Variants in CASZ1 observed in about 807,000 individuals in gnomAD.
CASZ1 encodes zinc finger protein castor homolog 1.
CASZ1 carries 28 observed loss-of-function variants against 135.2 expected under a neutral mutation model. The observed-to-expected ratio is 0.21, with a 90% CI of 0.15 to 0.28. The LOEUF (loss-of-function observed/expected upper bound fraction) is 0.28, where lower values mean the gene tolerates loss of function less well. CASZ1 is among the 10% of genes least tolerant of loss of function. The pLI is 1.00. For missense variants in CASZ1, 2,161 were observed against 2,453.3 expected (o/e 0.88, Z 2.52); for synonymous variants, 1,068 against 1,073.4 (o/e 0.99, Z 0.10).
intron 1 of CASZ1, among the ~76,000 whole-genome samples, chr1:10,772,340 C>T (rs1296268509): frequency 6.6e-6 from 1 of 152,200 alleles, no homozygotes; most frequent in Non-Finnish European, 1.5e-5. Context: ...GGCCACATGC[C>T]CCCATTGGTC....
intron 13 of CASZ1, 76 bp from the exon 14 acceptor site, chr1:10,649,513 G>A (rs1052007340): frequency 5.4e-6 from 8 of 1,486,914 alleles, no homozygotes; most frequent in African/African-American, 2.8e-5. Flanking sequence ...AGCAACAGCC[G>A]AAGCTCTGGG....
rs1024461661 is a variant in CASZ1, at chr1:10,645,143, C to T, written c.3697-55G>A. ...GGCGGGTGACTTTCAAGAGCTCCTG[C>T]CTGCCCCGGGCCTGAGGCTGTGGTG... On this transcript the variant is annotated intron_variant, in intron 17 of 20. Coordinates refer to ENST00000377022, the MANE Select transcript of CASZ1 (RefSeq NM_001079843.3). 12 of 1,542,316 alleles carry T rather than the reference C, an allele frequency of 7.8e-6. No homozygotes were observed. The African/African-American group carries it at 1.1e-4, about 14-fold the overall frequency.
chr1:10,650,832 C>G, intron 12 of CASZ1, 77 bp from the exon 13 acceptor site: 1 of 1,599,828 alleles, frequency 6.3e-7, no homozygotes, highest in Non-Finnish European at 8.6e-7. Flanking sequence ...CCTGCCCGAC[C>G]CTGGGGCTCC....
chr1:10,702,474 G>A (rs551278701), intron 3 of CASZ1, among the ~76,000 whole-genome samples: 10 of 152,314 alleles, frequency 6.6e-5, no homozygotes, highest in African/African-American at 2.4e-4. Flanking sequence ...CATCTGGGTG[G>A]AACAGGGAAC....
At chr1:10,648,243 A>C (rs916174667) in intron 15 of CASZ1, 104 bp from the exon 16 acceptor site, 201 of 815,488 alleles carry the variant, frequency 2.5e-4, no homozygotes, top group Non-Finnish European at 3.4e-4. Context: ...GTCCGTCCCT[A>C]CTCGTCCCCA....
chr1:10,779,702 C>T (rs1160863092), intron 1 of CASZ1, among the ~76,000 whole-genome samples: 1 of 152,206 alleles, frequency 6.6e-6, no homozygotes, highest in Non-Finnish European at 1.5e-5. Flanking sequence ...TCGCAGCGTT[C>T]ACAGCTCTTG....
chr1:10,680,741 C>G (rs1638388613), intron 4 of CASZ1, among the ~76,000 whole-genome samples: 2 of 152,208 alleles, frequency 1.3e-5, no homozygotes. Flanking sequence ...CCATGCAGGT[C>G]TGAAGCCTCC....
rs1378063213 is a variant in CASZ1 at position 10,700,459 on chromosome 1, A to T, written c.-24+5033T>A. ...TGTGGAGCTGCCAGCGTACTTGGGG[A>T]GAAGACACGTGTGCTGCTGCCTGAG... is the stretch of plus-strand genomic sequence containing the variant. On this transcript the variant is annotated intron_variant, in intron 3 of 20. Transcript: ENST00000377022. This position sits in a 1 kb window ranked among gnomAD's most constrained non-coding sequence, Gnocchi z 4.2. Among the ~76,000 whole-genome samples, 1 of 152,128 alleles carries T rather than the reference A, an allele frequency of 6.6e-6. No homozygotes were observed. Among genetic ancestry groups the T allele is most frequent in the Non-Finnish European group, 1.5e-5 (1 of 68,026 alleles).
intron 2 of CASZ1, among the ~76,000 whole-genome samples, chr1:10,734,190 T>C (rs929361365): frequency 2.0e-5 from 3 of 150,732 alleles, no homozygotes; most frequent in Admixed American, 6.7e-5. Context: ...TTCCTGAGCC[T>C]GTGGAGTACT....
intron 1 of CASZ1, among the ~76,000 whole-genome samples, chr1:10,766,354 C>T (rs181886062): frequency 3.3e-5 from 5 of 152,318 alleles, no homozygotes; most frequent in East Asian, 1.9e-4. Context: ...TCTAGGCTAA[C>T]GACTTTAACC....
chr1:10,724,725 A>C lies in CASZ1; in HGVS notation c.-76-19181T>G, dbSNP rs1329431889. Among the ~76,000 whole-genome samples the C allele has an allele frequency of 6.6e-6, 1 of 152,232 alleles. No individual in the cohort carries two copies. The highest frequency in any genetic ancestry group is 1.5e-5 in the Non-Finnish European group (1 of 68,040). On this transcript the variant is annotated intron_variant, in intron 2 of 20. Transcript: ENST00000377022. The surrounding 1 kb of genome is among the most constrained non-coding windows in gnomAD (Gnocchi z 4.1). ...GAGGGGCACCCCAAGGGCACTGCCC[A>C]GCCAGAGGCAGGGGCAAGGGCCCTG...
At chr1:10,656,885 C>T (rs973833190) in intron 7 of CASZ1, 149 bp from the exon 8 acceptor site, 2 of 622,646 alleles carry the variant, frequency 3.2e-6, no homozygotes, top group African/African-American at 3.7e-5. Flanking sequence ...GTGACTGGGC[C>T]TGGCGGGAAT....
At chr1:10,681,145 C>T (rs987520412) in intron 4 of CASZ1, among the ~76,000 whole-genome samples, 7 of 152,158 alleles carry the variant, frequency 4.6e-5, no homozygotes, top group African/African-American at 1.7e-4. Context: ...AAGTGATCTG[C>T]CCGCCTTGGC....
intron 2 of CASZ1, 45 bp from the exon 3 acceptor site, chr1:10,705,589 T>A (rs1361991052): frequency 6.6e-6 from 1 of 152,446 alleles, no homozygotes; most frequent in East Asian, 1.9e-4. Flanking sequence ...TCCAAGCCCA[T>A]GACTCCCCAG....
intron 20 of CASZ1, among the ~76,000 whole-genome samples, chr1:10,640,609 C>A (rs1176978855): frequency 6.6e-6 from 1 of 152,180 alleles, no homozygotes; most frequent in Non-Finnish European, 1.5e-5. Flanking sequence ...AACTCCCTGC[C>A]CTAAGGAGCA....
chr1:10,657,107 T>C lies in CASZ1; in HGVS notation c.1410-371A>G, dbSNP rs1570425272. On this transcript the variant is annotated intron_variant, in intron 7 of 20. Transcript: ENST00000377022. This position sits in a 1 kb window ranked among gnomAD's most constrained non-coding sequence, Gnocchi z 5.7. ...CAGTTCTGGCCAGGTGCAGAGACCC[T>C]GGCTGGGCCAGCCGGGCTCTGATGC... 6.6e-6 allele frequency among the ~76,000 whole-genome samples: 1 copy of C among 152,214 alleles called. No individual in the cohort carries two copies. The highest frequency in any genetic ancestry group is 2.4e-5 in the African/African-American group (1 of 41,456).
rs529676191 is a variant in CASZ1, at chr1:10,714,307, CAAAG to C, written c.-76-8767_-76-8764del. Among the ~76,000 whole-genome samples, 100 of 151,066 alleles carry C rather than the reference CAAAG, an allele frequency of 6.6e-4. 1 individual carries two copies. The highest frequency in any genetic ancestry group is 2.9e-3 in the East Asian group (15 of 5,134). On this transcript the variant is annotated intron_variant, in intron 2 of 20. Transcript: ENST00000377022. ...TGGGCAACAGAACAAGACTCCATCT[CAAAG>C]AAAGAAAGAAAGAAAGAAAGGGAAG...
At chr1:10,708,591 C>G (rs1185894091) in intron 2 of CASZ1, among the ~76,000 whole-genome samples, 1 of 152,226 alleles carries the variant, frequency 6.6e-6, no homozygotes, top group Non-Finnish European at 1.5e-5. Context: ...CATCTCATCC[C>G]TGGGGCCTGC....
chr1:10,692,808 T>C (rs1638810628), intron 4 of CASZ1, among the ~76,000 whole-genome samples: 1 of 152,162 alleles, frequency 6.6e-6, no homozygotes, highest in Admixed American at 6.5e-5. Context: ...GCTGTGAACT[T>C]GGGCCTATTA....
Sources: gnomAD v4.1 joint callset for allele counts (sites outside exome capture counted in the v4.1 genomes callset) on GRCh38, gnomAD v4.1.1 for gene constraint, Gnocchi (gnomAD v3.1) non-coding constraint, MANE v1.5 for transcripts, NCBI Gene and HGNC (gene_info 2026-07-23, HGNC 2026-07-21) for gene names.